RUNX1: variants seen among roughly 807,000 people sequenced by gnomAD.
RUNX1 encodes RUNX family transcription factor 1.
A neutral mutation model predicts 42.8 loss-of-function variants in RUNX1; 19 were observed. The ratio of observed to expected loss-of-function variants is 0.44; its 90% confidence interval spans 0.31 to 0.65. The LOEUF is 0.65. RUNX1 is among the 30% of genes least tolerant of loss of function. The pLI is 0.07. For synonymous variants in RUNX1, 271 were observed against 289.4 expected (o/e 0.94, Z 0.64); for missense variants, 528 against 672.0 (o/e 0.79, Z 2.37).
At chr21:34,920,920 G>A (rs973319473) in intron 2 of RUNX1, among the ~76,000 whole-genome samples, 3 of 152,080 alleles carry the variant, frequency 2.0e-5, no homozygotes, top group African/African-American at 7.2e-5. Context: ...GTGCAGTGGC[G>A]TGATCTTGGC....
Position 34,799,344 on chromosome 21 carries a change from G to A in RUNX1, c.924C>T (p.Ser308=), listed in dbSNP as rs1060504666. 8 of 1,614,070 alleles carry A rather than the reference G, an allele frequency of 5.0e-6. No individual in the cohort carries two copies. The highest frequency in any genetic ancestry group is 1.7e-5 in the Admixed American group (1 of 60,004). ...PATPISPGRA[S]GMTTLSAELS... ...GTTCTGCAGAGAGGGTTGTCATGCC[G>A]CTGGCACGTCCAGGTGAAATGGGCG... is the stretch of plus-strand genomic sequence containing the variant. Residue 308 remains serine (S), a synonymous_variant, in exon 8 of 9, where the codon AGC becomes AGT. Transcript: ENST00000675419.
chr21:34,893,781 TTTAAAAAAAAACC>T (rs2058106050), intron 2 of RUNX1, among the ~76,000 whole-genome samples: 1 of 134,808 alleles, frequency 7.4e-6, no homozygotes, highest in African/African-American at 3.3e-5. Context: ...TTTTTTTTTT[TTTAAAAAAAAACC>T]TTTAAAATAA....
Position 34,792,181 on chromosome 21 carries a change from A to G in RUNX1, c.1397T>C (p.Met466Thr), listed in dbSNP as rs1329096939. 1.3e-6 allele frequency: 2 copies of G among 1,532,776 alleles called. No homozygotes were observed. The highest frequency in any genetic ancestry group is 1.7e-6 in the Non-Finnish European group (2 of 1,146,532). 94.9% of individuals were successfully genotyped at this position (1,532,776 alleles called of 1,614,324 possible). The change falls in exon 9 of 9, where the codon ATG becomes ACG. Residue 466 changes from methionine to threonine, a missense_variant. This residue lies in a region of RUNX1 where 331 missense variants were observed against 382.5 expected (regional missense o/e 0.87). Coordinates refer to ENST00000675419, the MANE Select transcript of RUNX1 (RefSeq NM_001754.5). This position sits in a 1 kb window ranked among gnomAD's most constrained non-coding sequence, Gnocchi z 6.9. ...CTCCTCCAGGCGCGCGGAGGGCGCC[A>G]TGTTGGTGGGGGAGTTGCTGTGGCT... is the stretch of plus-strand genomic sequence containing the variant. ...EGSHSNSPTNMAPSARLEEAV... is the reference protein window; with the variant it reads ...EGSHSNSPTNTAPSARLEEAV...
intron 2 of RUNX1, among the ~76,000 whole-genome samples, chr21:34,936,060 T>C (rs1381320964): frequency 1.3e-5 from 2 of 152,180 alleles, no homozygotes; most frequent in Admixed American, 1.3e-4. Flanking sequence ...GTGACTAACA[T>C]GGCGGGATAA....
chr21:34,821,522 G>A, intron 7 of RUNX1: 1 of 1,509,936 alleles, frequency 6.6e-7, no homozygotes, highest in African/African-American at 1.4e-5. Context: ...GGGACACGGA[G>A]GAATTACAGA....
intron 2 of RUNX1, among the ~76,000 whole-genome samples, chr21:35,017,940 T>TAAATCAATG (rs1286052119): frequency 6.6e-6 from 1 of 152,208 alleles, no homozygotes; most frequent in Non-Finnish European, 1.5e-5. Context: ...CCCCAGATAT[T>TAAATCAATG]AAATCAATGA....
intron 2 of RUNX1, among the ~76,000 whole-genome samples, chr21:35,035,825 T>C (rs1439562128): frequency 6.6e-6 from 1 of 152,230 alleles, no homozygotes; most frequent in Non-Finnish European, 1.5e-5. Context: ...CAGGTCTCTC[T>C]CTGCTTTCTG....
intron 2 of RUNX1, among the ~76,000 whole-genome samples, chr21:35,006,957 C>T (rs571190845): frequency 6.6e-6 from 1 of 152,158 alleles, no homozygotes; most frequent in Non-Finnish European, 1.5e-5. Context: ...ATGACACTGT[C>T]ACCCTCTCTA....
At chr21:35,024,278 G>C (rs1331094237) in intron 2 of RUNX1, among the ~76,000 whole-genome samples, 1 of 152,210 alleles carries the variant, frequency 6.6e-6, no homozygotes, top group African/African-American at 2.4e-5. Flanking sequence ...GAGCCATGAG[G>C]TAAATGCCAG....
intron 2 of RUNX1, among the ~76,000 whole-genome samples, chr21:34,899,849 A>C (rs1213018005): frequency 6.6e-6 from 1 of 152,168 alleles, no homozygotes; most frequent in Admixed American, 6.5e-5. Context: ...AGTTGCCTTT[A>C]AACCATTAGG....
chr21:34,874,719 C>G (rs1005112673), intron 5 of RUNX1, among the ~76,000 whole-genome samples: 1 of 150,640 alleles, frequency 6.6e-6, no homozygotes, highest in African/African-American at 2.4e-5. Flanking sequence ...AGAATATGTT[C>G]TTCTTTAGCC....
At chr21:35,004,970 T>A (rs547928459) in intron 2 of RUNX1, among the ~76,000 whole-genome samples, 4 of 152,202 alleles carry the variant, frequency 2.6e-5, no homozygotes, top group African/African-American at 9.7e-5. Flanking sequence ...AAAATTCTTA[T>A]TATCAGCTTC....
intron 6 of RUNX1, among the ~76,000 whole-genome samples, chr21:34,835,561 A>C (rs1319056199): frequency 6.6e-6 from 1 of 152,180 alleles, no homozygotes; most frequent in East Asian, 1.9e-4. Context: ...CGGTTTTCTC[A>C]AAATGTCCTT....
At chr21:35,019,527 G>A (rs949866008) in intron 2 of RUNX1, among the ~76,000 whole-genome samples, 2 of 152,132 alleles carry the variant, frequency 1.3e-5, no homozygotes, top group Non-Finnish European at 2.9e-5. Context: ...CATAGAAAAT[G>A]CTAATGCTGA....
chr21:34,991,280 C>T (rs1041003222), intron 2 of RUNX1, among the ~76,000 whole-genome samples: 40 of 151,758 alleles, frequency 2.6e-4, no homozygotes, highest in African/African-American at 9.2e-4. Context: ...CCTCGGTCCT[C>T]TCTTCCCTTG....
intron 7 of RUNX1, among the ~76,000 whole-genome samples, chr21:34,826,278 T>C (rs1487047007): frequency 1.3e-5 from 2 of 152,118 alleles, no homozygotes; most frequent in African/African-American, 4.8e-5. Context: ...AGTGCCTTTG[T>C]TATAAAAGCA....
intron 7 of RUNX1, among the ~76,000 whole-genome samples, chr21:34,828,442 G>A (rs1051313266): frequency 2.0e-5 from 3 of 152,194 alleles, no homozygotes; most frequent in African/African-American, 7.2e-5. Context: ...CCCATATCTG[G>A]TTTAGACAAG....
intron 5 of RUNX1, among the ~76,000 whole-genome samples, chr21:34,867,424 A>G (rs948948377): frequency 1.3e-5 from 2 of 152,142 alleles, no homozygotes; most frequent in Non-Finnish European, 2.9e-5. Flanking sequence ...TGGGTGACAG[A>G]GTAAGACCCT....
At chr21:35,023,242 C>G (rs966802176) in intron 2 of RUNX1, among the ~76,000 whole-genome samples, 1 of 152,106 alleles carries the variant, frequency 6.6e-6, no homozygotes, top group Non-Finnish European at 1.5e-5. Context: ...CCACACCTGG[C>G]CTTTGTTTAA....
Sources: gnomAD v4.1 joint callset for allele counts (sites outside exome capture counted in the v4.1 genomes callset) on GRCh38, gnomAD v4.1.1 for gene constraint, gnomAD v4.1.1 regional missense constraint, Gnocchi (gnomAD v3.1) non-coding constraint, MANE v1.5 for transcripts, NCBI Gene and HGNC (gene_info 2026-07-23, HGNC 2026-07-21) for gene names.